FCHSD2: variants seen among roughly 807,000 people sequenced by gnomAD.
FCHSD2 encodes the protein FCH and double SH3 domains 2.
A neutral mutation model predicts 108.1 loss-of-function variants in FCHSD2; 38 were observed. The observed-to-expected ratio is 0.35, with a 90% CI of 0.27 to 0.46. The LOEUF (loss-of-function observed/expected upper bound fraction) is 0.46, where lower values mean the gene tolerates loss of function less well. FCHSD2 is among the 20% of genes least tolerant of loss of function. The probability of loss-of-function intolerance (pLI) is 1.00; values close to 1 mark genes in which losing one functional copy is unlikely to be tolerated. For synonymous variants in FCHSD2, 279 were observed against 314.7 expected (o/e 0.89, Z 1.20); for missense variants, 751 against 897.8 (o/e 0.84, Z 2.09).
intron 8 of FCHSD2, among the ~76,000 whole-genome samples, chr11:72,968,129 A>G (rs1461180439): frequency 3.3e-5 from 5 of 152,178 alleles, no homozygotes; most frequent in African/African-American, 9.6e-5. Context: ...AACAGAGCAT[A>G]TAAGGCCTTT....
At chr11:72,888,329 C>CA (rs1352953811) in intron 11 of FCHSD2, among the ~76,000 whole-genome samples, 1 of 152,114 alleles carries the variant, frequency 6.6e-6, no homozygotes, top group Non-Finnish European at 1.5e-5. Context: ...AATGAGAAAT[C>CA]AAAGTGTCCA....
At chr11:73,111,761 T>C (rs1004065778) in intron 2 of FCHSD2, among the ~76,000 whole-genome samples, 6 of 152,164 alleles carry the variant, frequency 3.9e-5, no homozygotes, top group African/African-American at 1.4e-4. Context: ...GTATCTGTTA[T>C]ATGATTTTTG....
intron 3 of FCHSD2, among the ~76,000 whole-genome samples, chr11:73,037,820 C>G (rs1354502538): frequency 6.6e-6 from 1 of 152,172 alleles, no homozygotes; most frequent in African/African-American, 2.4e-5. Flanking sequence ...ACTTGTTATG[C>G]ATAGAGCAGA....
chr11:72,876,293 C>T (rs759901261), intron 12 of FCHSD2, among the ~76,000 whole-genome samples: 13 of 152,184 alleles, frequency 8.5e-5, no homozygotes, highest in Admixed American at 4.6e-4. Context: ...CACTGCAGTC[C>T]AGCCTGCGAG....
intron 8 of FCHSD2, among the ~76,000 whole-genome samples, chr11:72,980,582 T>C (rs1386983756): frequency 1.3e-5 from 2 of 152,000 alleles, no homozygotes; most frequent in East Asian, 3.9e-4. Context: ...AAAAGATAGC[T>C]ATTATTATTA....
At chr11:73,007,167 G>GA (rs1857758726) in intron 4 of FCHSD2, among the ~76,000 whole-genome samples, 4 of 151,968 alleles carry the variant, frequency 2.6e-5, no homozygotes, top group Non-Finnish European at 5.9e-5. Flanking sequence ...TATTCTAACT[G>GA]AAAAATACTT....
At chr11:73,011,382 C>G (rs143414149) in intron 4 of FCHSD2, among the ~76,000 whole-genome samples, 3 of 152,122 alleles carry the variant, frequency 2.0e-5, no homozygotes, top group African/African-American at 7.2e-5. Context: ...TGTGCACCAC[C>G]TAGGCTAGCA....
rs1861029457 is a variant in FCHSD2 at position 72,843,480 on chromosome 11, A to G, written c.1496T>C (p.Ile499Thr). Reference sequence around the variant, plus strand: ...CCAGTCTTCCATATCTCCATCTTCAATCACTTCTAACACCTCATGTTCCTC... The same window carrying G: ...CCAGTCTTCCATATCTCCATCTTCAGTCACTTCTAACACCTCATGTTCCTC... The part of the protein sequence containing the change: ...TIEEHEVLEV[I>T]EDGDMEDWVK... The change falls in exon 15 of 20, where the codon ATT (isoleucine) becomes ACT (threonine). Residue 499 changes from isoleucine to threonine, a missense_variant. Physicochemically the swap from Ile to Thr is moderately conservative, Grantham distance 89. Coordinates refer to ENST00000409418, the MANE Select transcript of FCHSD2 (RefSeq NM_014824.3). 6.2e-7 allele frequency: 1 copy of G among 1,613,872 alleles called. No homozygotes were observed. Among genetic ancestry groups the G allele is most frequent in the Non-Finnish European group, 8.5e-7 (1 of 1,179,746 alleles).
chr11:73,035,294 CAA>C (rs1166604344), intron 3 of FCHSD2, among the ~76,000 whole-genome samples: 1 of 151,988 alleles, frequency 6.6e-6, no homozygotes, highest in African/African-American at 2.4e-5. Flanking sequence ...CCACCAGGCT[CAA>C]GAGAGTAGCT....
chr11:73,026,301 G>T lies in FCHSD2; in HGVS notation c.166-10416C>A, dbSNP rs532757633. On this transcript the variant is annotated intron_variant, in intron 3 of 19. Transcript: ENST00000409418. ...CCTATACAGATAAATGAAATATTCT[G>T]TATGAGGACTATAGTTCATAGTATA... 7.9e-5 allele frequency among the ~76,000 whole-genome samples: 12 copies of T among 152,218 alleles called. No homozygotes were observed. In the East Asian group the frequency reaches 2.3e-3, roughly 29 times the overall value.
intron 5 of FCHSD2, among the ~76,000 whole-genome samples, chr11:72,999,900 C>T (rs539447303): frequency 7.9e-5 from 12 of 151,948 alleles, no homozygotes; most frequent in Non-Finnish European, 1.8e-4. Flanking sequence ...CACACACACA[C>T]ACACACTTTC....
chr11:73,019,537 A>C (rs1185076434), intron 3 of FCHSD2, among the ~76,000 whole-genome samples: 2 of 152,180 alleles, frequency 1.3e-5, no homozygotes, highest in African/African-American at 4.8e-5. Context: ...CCACAAAGCT[A>C]AACTGTATTA....
chr11:73,075,953 T>C (rs919782903), intron 3 of FCHSD2, among the ~76,000 whole-genome samples: 1 of 151,806 alleles, frequency 6.6e-6, no homozygotes, highest in African/African-American at 2.4e-5. Flanking sequence ...ACCTCATCTC[T>C]ACTAAAAACA....
chr11:72,867,595 T>A (rs949194829), intron 13 of FCHSD2, among the ~76,000 whole-genome samples: 2 of 152,186 alleles, frequency 1.3e-5, no homozygotes, highest in East Asian at 3.8e-4. Flanking sequence ...ATTTACTCTA[T>A]GAATGGGATG....
intron 8 of FCHSD2, among the ~76,000 whole-genome samples, chr11:72,965,255 T>C (rs1856886786): frequency 6.6e-6 from 1 of 152,228 alleles, no homozygotes; most frequent in Non-Finnish European, 1.5e-5. Flanking sequence ...ACTACTTCTA[T>C]CTGTAGCCCA....
At chr11:72,922,801 T>C (rs1171488388) in intron 8 of FCHSD2, among the ~76,000 whole-genome samples, 1 of 152,202 alleles carries the variant, frequency 6.6e-6, no homozygotes, top group Admixed American at 6.5e-5. Flanking sequence ...TCACCCAATA[T>C]AAGTCACCAT....
At chr11:72,940,722 T>C in intron 8 of FCHSD2, 1 of 934,038 alleles carries the variant, frequency 1.1e-6, no homozygotes, top group South Asian at 1.3e-5. Flanking sequence ...AACGCCCAGT[T>C]CCTAAGGGTG....
At chr11:72,929,429 G>GT (rs940505461) in intron 8 of FCHSD2, among the ~76,000 whole-genome samples, 1 of 152,206 alleles carries the variant, frequency 6.6e-6, no homozygotes, top group Non-Finnish European at 1.5e-5. Flanking sequence ...TTTCTGGTGG[G>GT]TAAGATAGCT....
chr11:73,093,694 C>T (rs529910197), intron 2 of FCHSD2, among the ~76,000 whole-genome samples: 5 of 152,092 alleles, frequency 3.3e-5, no homozygotes, highest in East Asian at 2.0e-4. Context: ...CTCCGCCTCC[C>T]GGGTTCAAGC....
Sources: gnomAD v4.1 joint callset for allele counts (sites outside exome capture counted in the v4.1 genomes callset) on GRCh38, gnomAD v4.1.1 for gene constraint, MANE v1.5 for transcripts, NCBI Gene and HGNC (gene_info 2026-07-23, HGNC 2026-07-21) for gene names.